The following WDR35 variants were observed in gnomAD, a reference collection of about 807,000 sequenced individuals.
WDR35 encodes the protein WD repeat domain 35, also known as WD repeat-containing protein 35.
Under a neutral mutation model 158.3 loss-of-function variants are expected in WDR35, and 118 were observed. That is an observed-to-expected ratio of 0.75 (90% CI 0.64 to 0.87). WDR35 has a LOEUF of 0.87. Among genes scored for constraint, WDR35 ranks in the 40% least tolerant of loss-of-function variants. The pLI, the probability that WDR35 is intolerant of heterozygous loss-of-function variation, is 0.00. For synonymous variants in WDR35, 448 were observed against 476.1 expected (o/e 0.94, Z 0.77); for missense variants, 1,263 against 1,405.8 (o/e 0.90, Z 1.62).
intron 12 of WDR35, among the ~76,000 whole-genome samples, chr2:19,953,056 G>A (rs1417736570): frequency 6.6e-6 from 1 of 152,134 alleles, no homozygotes; most frequent in Non-Finnish European, 1.5e-5. Flanking sequence ...TTTCTGTCAT[G>A]ACTGTACCAC....
intron 21 of WDR35, among the ~76,000 whole-genome samples, chr2:19,933,833 G>A (rs1240531518): frequency 6.6e-6 from 1 of 152,034 alleles, no homozygotes; most frequent in Non-Finnish European, 1.5e-5. Context: ...ACCAGTGGGT[G>A]AAAAAAGCCT....
intron 25 of WDR35, among the ~76,000 whole-genome samples, chr2:19,917,999 C>T (rs1365838978): frequency 2.0e-5 from 3 of 152,118 alleles, no homozygotes; most frequent in African/African-American, 4.8e-5. Flanking sequence ...AGAGAAAGGT[C>T]GGGCTACCCA....
At position 19,946,044 on chromosome 2, in the gene WDR35, T is replaced by G. The variant is rs1671040447; in HGVS notation, c.1635-48A>C. The G allele has an allele frequency of 2.6e-6, 4 of 1,565,114 alleles. No homozygotes were observed. The East Asian group carries it at 9.0e-5, about 35-fold the overall frequency. ...AAAGGAAAAAACTATAAAATTACTA[T>G]CAGCAATCATGAGAATAATTACCTA... is the stretch of plus-strand genomic sequence containing the variant. On this transcript the variant is annotated intron_variant, in intron 15 of 26. Coordinates refer to ENST00000281405, the MANE Select transcript of WDR35 (RefSeq NM_020779.4).
At chr2:19,914,942 G>T (rs562771885) in intron 25 of WDR35, among the ~76,000 whole-genome samples, 1 of 151,958 alleles carries the variant, frequency 6.6e-6, no homozygotes, top group African/African-American at 2.4e-5. Context: ...TGTTGGGGGT[G>T]GGGGGCTAGG....
intron 20 of WDR35, 109 bp downstream of exon 20, chr2:19,936,110 G>C: frequency 6.6e-7 from 1 of 1,506,180 alleles, no homozygotes; most frequent in Non-Finnish European, 9.1e-7. Context: ...CTGAATTTTA[G>C]AATTCAAGAA....
Position 19,935,543 on chromosome 2 carries a change from G to C in WDR35, c.2475C>G (p.Tyr825Ter). 6.2e-7 allele frequency: 1 copy of C among 1,613,080 alleles called. No individual in the cohort carries two copies. The change falls in exon 21 of 27, where the codon TAC becomes TAG. Residue 825 changes from tyrosine to a stop codon, truncating the protein, a stop_gained. Coordinates refer to ENST00000281405, the MANE Select transcript of WDR35 (RefSeq NM_020779.4). LOFTEE classifies it high-confidence loss of function. ...GRNQERLAEC[Y>*]YMLEDYEGLE... ...ACCCTTCATAATCCTCTAACATATA[G>C]TAACATTCAGCTAAGCGTTCCTGGT... is the stretch of plus-strand genomic sequence containing the variant.
intron 7 of WDR35, 140 bp from the exon 8 acceptor site, chr2:19,973,848 C>T: frequency 8.2e-7 from 1 of 1,216,580 alleles, no homozygotes; most frequent in Non-Finnish European, 1.2e-6. Flanking sequence ...CGGCTCACGC[C>T]TATAATCCCA....
In WDR35 at chr2:19,926,600, C is replaced by A. The variant is rs533783974; in HGVS notation, c.3121+3796G>T. On this transcript the variant is annotated intron_variant, in intron 25 of 26. Transcript: ENST00000281405. ...GGAGAGACAGGGATTATGGGACAGC[C>A]CATACACAATTGAATCTAGCATTAT... is the stretch of plus-strand genomic sequence containing the variant. Among the ~76,000 whole-genome samples, 121 of 152,282 alleles carry A rather than the reference C, an allele frequency of 7.9e-4. 1 individual carries two copies. Among genetic ancestry groups the A allele is most frequent in the African/African-American group, 2.8e-3 (117 of 41,562 alleles).
At position 19,962,650 on chromosome 2, in the gene WDR35, G is replaced by A. The variant is rs559128856; in HGVS notation, c.1195-2036C>T. ...CAGACTTTTTCTTTTTTCAGCATTC[G>A]ATTAAAATTTGTTTAATTACTCAAA... is the stretch of plus-strand genomic sequence containing the variant. On this transcript the variant is annotated intron_variant, in intron 10 of 26. Coordinates refer to ENST00000281405, the MANE Select transcript of WDR35 (RefSeq NM_020779.4). Among the ~76,000 whole-genome samples the A allele has an allele frequency of 9.3e-5, 14 of 150,886 alleles. 1 individual carries two copies. In the South Asian group the frequency reaches 2.9e-3, roughly 31 times the overall value.
At position 19,913,268 on chromosome 2, in the gene WDR35, G is replaced by A; in HGVS notation, c.*290C>T. ...ACACTGTGAGAAAAAAATTTATTTG[G>A]AATATTTCCATGGTATCATGTAACC... On this transcript the variant is annotated 3_prime_UTR_variant, in exon 27 of 27. Coordinates refer to ENST00000281405, the MANE Select transcript of WDR35 (RefSeq NM_020779.4). 1 of 274,658 alleles carries A rather than the reference G, an allele frequency of 3.6e-6. No individual in the cohort carries two copies. The highest frequency in any genetic ancestry group is 6.9e-6 in the Non-Finnish European group (1 of 144,550). The allele number at this position is 274,658 out of a possible 1,614,324, so 17.0% of individuals were successfully genotyped here. A position where few individuals can be genotyped will look rare whatever the true frequency, so the allele number is the denominator to read the frequency against.
In WDR35 at chr2:19,935,463, A is replaced by T. The variant is rs748651158; in HGVS notation, c.2547+8T>A. On this transcript the variant is annotated splice_region_variant and intron_variant, in intron 21 of 26. Coordinates refer to ENST00000281405, the MANE Select transcript of WDR35 (RefSeq NM_020779.4). ...ACAATTCCAAAAACTAAAATTTGCA[A>T]TACCTACTGGAAGTAACTTGTGGTT... The T allele has an allele frequency of 6.0e-5, 96 of 1,612,358 alleles. No individual in the cohort carries two copies. Among genetic ancestry groups the T allele is most frequent in the Non-Finnish European group, 7.7e-5 (91 of 1,179,368 alleles).
intron 24 of WDR35, 49 bp from the exon 25 acceptor site, chr2:19,930,601 A>G (rs1454369652): frequency 5.6e-6 from 9 of 1,611,598 alleles, no homozygotes; most frequent in Admixed American, 3.3e-5. Context: ...ACGCACACAC[A>G]GTGTCAACTC....
rs896474166 is a variant in WDR35, at chr2:19,931,467, A to G, written c.2824-58T>C. ...TTCTTATCTATATTTGTACAAATAC[A>G]ATCATTTCCAAAACTAACAAATTTG... On this transcript the variant is annotated intron_variant, in intron 23 of 26. Coordinates refer to ENST00000281405, the MANE Select transcript of WDR35 (RefSeq NM_020779.4). 6 of 1,593,216 alleles carry G rather than the reference A, an allele frequency of 3.8e-6. No individual in the cohort carries two copies. The African/African-American group carries it at 4.0e-5, about 11-fold the overall frequency.
At chr2:19,932,688 A>C (rs948697406) in intron 22 of WDR35, among the ~76,000 whole-genome samples, 4 of 152,168 alleles carry the variant, frequency 2.6e-5, no homozygotes, top group African/African-American at 9.7e-5. Context: ...TGAAAGTTTC[A>C]AAGTTTATAA....
chr2:19,970,094 T>C (rs1280352770), intron 8 of WDR35, among the ~76,000 whole-genome samples: 2 of 152,160 alleles, frequency 1.3e-5, no homozygotes, highest in African/African-American at 4.8e-5. Context: ...AAGAAAAATT[T>C]ACAAACTATA....
intron 23 of WDR35, 116 bp from the exon 24 acceptor site, chr2:19,931,525 G>A (rs1670526773): frequency 4.3e-6 from 5 of 1,152,942 alleles, no homozygotes; most frequent in Non-Finnish European, 6.3e-6. Context: ...TCAGTAAGAT[G>A]GAATATAAAT....
At chr2:19,935,335 G>T in intron 21 of WDR35, 136 bp downstream of exon 21, 1 of 899,396 alleles carries the variant, frequency 1.1e-6, no homozygotes, top group Non-Finnish European at 1.6e-6. Context: ...ATAATTAAAA[G>T]CATCATTCCA....
chr2:19,967,145 CTTATT>C (rs567516972), intron 9 of WDR35, among the ~76,000 whole-genome samples: 37 of 152,058 alleles, frequency 2.4e-4, no homozygotes, highest in Non-Finnish European at 5.0e-4. Flanking sequence ...TCTAACTTTC[CTTATT>C]TTAATTGGTA....
chr2:19,918,246 T>C (rs1375876036), intron 25 of WDR35, among the ~76,000 whole-genome samples: 2 of 152,176 alleles, frequency 1.3e-5, no homozygotes, highest in Non-Finnish European at 2.9e-5. Context: ...AAGGAAGCAC[T>C]AAACATGGAA....
Sources: allele counts gnomAD v4.1 joint callset (sites outside exome capture counted in the v4.1 genomes callset), GRCh38; gene constraint gnomAD v4.1.1; transcripts MANE v1.5; gene names NCBI Gene and HGNC (gene_info 2026-07-23, HGNC 2026-07-21).